The following MACROD2 variants were observed in gnomAD, a reference collection of about 807,000 sequenced individuals.
MACROD2 encodes the protein mono-ADP ribosylhydrolase 2.
A neutral mutation model predicts 70.4 loss-of-function variants in MACROD2; 36 were observed. That is an observed-to-expected ratio of 0.51 (90% CI 0.39 to 0.68). The LOEUF (loss-of-function observed/expected upper bound fraction) is 0.68, where lower values mean the gene tolerates loss of function less well. Ranked by LOEUF, MACROD2 falls within the 30% of genes least tolerant of loss-of-function variation. MACROD2 has a pLI of 0.00. For missense variants in MACROD2, 496 were observed against 538.4 expected (o/e 0.92, Z 0.78); for synonymous variants, 172 against 178.8 (o/e 0.96, Z 0.30).
chr20:15,667,059 A>T (rs913420673), intron 8 of MACROD2, among the ~76,000 whole-genome samples: 5 of 152,046 alleles, frequency 3.3e-5, no homozygotes, highest in African/African-American at 1.2e-4. Context: ...TGTCTGATAT[A>T]GTTTGGATAT....
chr20:15,353,136 T>A (rs1303917572), intron 6 of MACROD2, among the ~76,000 whole-genome samples: 1 of 150,810 alleles, frequency 6.6e-6, no homozygotes, highest in African/African-American at 2.4e-5. Context: ...AACAGCATGG[T>A]ACTGGTACCA....
chr20:14,760,704 A>G (rs1478528170), intron 5 of MACROD2, among the ~76,000 whole-genome samples: 1 of 152,060 alleles, frequency 6.6e-6, no homozygotes, highest in Non-Finnish European at 1.5e-5. Flanking sequence ...TATCCCTCCC[A>G]GAAAGTGAAC....
intron 9 of MACROD2, among the ~76,000 whole-genome samples, chr20:15,869,458 C>T (rs2064549956): frequency 6.6e-6 from 1 of 151,168 alleles, no homozygotes; most frequent in Non-Finnish European, 1.5e-5. Flanking sequence ...TCCCAATGTT[C>T]TTGACATAAA....
At chr20:15,575,968 A>C (rs1600616449) in intron 8 of MACROD2, among the ~76,000 whole-genome samples, 1 of 152,206 alleles carries the variant, frequency 6.6e-6, no homozygotes, top group African/African-American at 2.4e-5. Flanking sequence ...TACTTTTAAA[A>C]TAATAATTTT....
intron 7 of MACROD2, among the ~76,000 whole-genome samples, chr20:15,461,821 G>T (rs6079840): frequency 0.66 from 100,713 of 152,022 alleles, 34,406 homozygotes; most frequent in African/African-American, 0.81. Flanking sequence ...ATAGCAAACT[G>T]AGGATTCTTC....
intron 6 of MACROD2, among the ~76,000 whole-genome samples, chr20:15,358,465 C>A (rs1182064745): frequency 6.6e-6 from 1 of 150,916 alleles, no homozygotes; most frequent in Non-Finnish European, 1.5e-5. Flanking sequence ...AAGTTTTTAA[C>A]GTTTTATAAC....
intron 8 of MACROD2, among the ~76,000 whole-genome samples, chr20:15,726,375 A>G (rs1375670889): frequency 1.3e-5 from 2 of 152,180 alleles, no homozygotes; most frequent in African/African-American, 4.8e-5. Context: ...CTTATTGTGA[A>G]TAGTGCTGCA....
At chr20:15,284,906 T>C (rs796686607) in intron 6 of MACROD2, among the ~76,000 whole-genome samples, 3 of 152,304 alleles carry the variant, frequency 2.0e-5, no homozygotes, top group African/African-American at 2.4e-5. Flanking sequence ...TAAATGATAG[T>C]TATTTTGTTG....
intron 6 of MACROD2, among the ~76,000 whole-genome samples, chr20:15,330,237 G>A (rs532404102): frequency 1.3e-5 from 2 of 151,982 alleles, no homozygotes; most frequent in Admixed American, 6.6e-5. Flanking sequence ...ACCATGAACC[G>A]AGCAATGGGC....
intron 3 of MACROD2, among the ~76,000 whole-genome samples, chr20:14,122,032 A>G (rs2054595889): frequency 6.6e-6 from 1 of 152,194 alleles, no homozygotes; most frequent in Admixed American, 6.6e-5. Flanking sequence ...AAAAGACATT[A>G]AAACTTTTTT....
At chr20:15,740,437 C>T (rs1447299151) in intron 8 of MACROD2, among the ~76,000 whole-genome samples, 19 of 152,102 alleles carry the variant, frequency 1.2e-4, no homozygotes, top group Admixed American at 1.0e-3. Flanking sequence ...CCTTGATGGA[C>T]GCTGGGGATG....
rs1364539638 is a variant in MACROD2 at position 14,660,430 on chromosome 20, C to CT, written c.302-24410dup. Among the ~76,000 whole-genome samples the CT allele has an allele frequency of 3.3e-5, 5 of 152,256 alleles. No individual in the cohort carries two copies. In the East Asian group the frequency reaches 7.7e-4, roughly 23 times the overall value. On this transcript the variant is annotated intron_variant, in intron 4 of 17. Coordinates refer to ENST00000684519, the MANE Select transcript of MACROD2 (RefSeq NM_001351661.2). ...TTTCAGTAAATATTTTCCTAAAGAA[C>CT]TTTAACTTATTTGCTAACTTATTGA...
rs148113960 is a variant in MACROD2, at chr20:14,735,555, G to A, written c.418+50596G>A. Among the ~76,000 whole-genome samples the A allele has an allele frequency of 9.7e-3, 1,470 of 152,232 alleles. 24 individuals are homozygous for A. The highest frequency in any genetic ancestry group is 0.032 in the African/African-American group (1,349 of 41,530). On this transcript the variant is annotated intron_variant, in intron 5 of 17. Coordinates refer to ENST00000684519, the MANE Select transcript of MACROD2 (RefSeq NM_001351661.2). ...CATACTTTGCTGGTGGAAATATAAA[G>A]TGGTGCAACCAGGCTGGCATGGTGG...
intron 6 of MACROD2, among the ~76,000 whole-genome samples, chr20:15,354,850 G>A (rs779591942): frequency 6.6e-6 from 1 of 152,114 alleles, no homozygotes; most frequent in Non-Finnish European, 1.5e-5. Context: ...AAATAATGGA[G>A]AATATAAAGT....
At chr20:15,125,705 A>G (rs1275755839) in intron 5 of MACROD2, among the ~76,000 whole-genome samples, 1 of 152,094 alleles carries the variant, frequency 6.6e-6, no homozygotes, top group East Asian at 1.9e-4. Flanking sequence ...TGTAATTTAC[A>G]TATAGTAATA....
chr20:15,158,494 G>A lies in MACROD2; in HGVS notation c.419-71446G>A, dbSNP rs1023188687. ...TTCTTTTCACACACCTCAAAATTTA[G>A]TAAAAGGCAGGCTAAATTCAAATAG... On this transcript the variant is annotated intron_variant, in intron 5 of 17. Transcript: ENST00000684519. 5.3e-5 allele frequency among the ~76,000 whole-genome samples: 8 copies of A among 152,192 alleles called. No homozygotes were observed. In the East Asian group the frequency reaches 9.7e-4, roughly 18 times the overall value.
chr20:15,047,990 ATGGTGGCTCACACC>A (rs1005156613), intron 5 of MACROD2, among the ~76,000 whole-genome samples: 1 of 152,198 alleles, frequency 6.6e-6, no homozygotes, highest in African/African-American at 2.4e-5. Flanking sequence ...AGGGCTGGGC[ATGGTGGCTCACACC>A]TGTAATTCCA....
chr20:14,756,489 T>C (rs569773127), intron 5 of MACROD2, among the ~76,000 whole-genome samples: 5 of 152,128 alleles, frequency 3.3e-5, no homozygotes, highest in Non-Finnish European at 7.3e-5. Flanking sequence ...TGATTATTAA[T>C]TATATCCCTG....
chr20:14,061,383 C>G (rs2053689100), intron 2 of MACROD2, among the ~76,000 whole-genome samples: 1 of 152,008 alleles, frequency 6.6e-6, no homozygotes, highest in South Asian at 2.1e-4. Flanking sequence ...AATAAAATTT[C>G]TTTTTAAAAA....
Sources: gnomAD v4.1 joint callset for allele counts (sites outside exome capture counted in the v4.1 genomes callset) on GRCh38, gnomAD v4.1.1 for gene constraint, MANE v1.5 for transcripts, NCBI Gene and HGNC (gene_info 2026-07-23, HGNC 2026-07-21) for gene names.